Variants in MYCT1 observed in about 807,000 individuals in gnomAD.
MYCT1 encodes MYC target 1, also known as myc target protein 1.
A neutral mutation model predicts 15.0 loss-of-function variants in MYCT1; 12 were observed. The observed-to-expected ratio is 0.80, with a 90% confidence interval of 0.51 to 1.29. The LOEUF is 1.29. MYCT1 is among the 50% of genes most tolerant of loss of function. The probability of loss-of-function intolerance (pLI) is 0.00; values close to 1 mark genes in which losing one functional copy is unlikely to be tolerated. For synonymous variants in MYCT1, 104 were observed against 102.7 expected (o/e 1.01, Z -0.07); for missense variants, 287 against 279.1 (o/e 1.03, Z -0.20).
At chr6:152,738,007 C>CA in the MYCT1 span, among the ~76,000 whole-genome samples, 2 of 151,814 alleles carry the variant, frequency 1.3e-5, no homozygotes, top group African/African-American at 4.8e-5. Flanking sequence ...TTAAGGAAAG[C>CA]AAAAAGCCAT....
chr6:152,736,982 A>G, the MYCT1 span, among the ~76,000 whole-genome samples: 1 of 152,162 alleles, frequency 6.6e-6, no homozygotes, highest in Non-Finnish European at 1.5e-5. Context: ...AGCCTTCCAA[A>G]TGAAATTACA....
chr6:152,707,601 T>C lies in MYCT1; in HGVS notation c.196+9503T>C, dbSNP rs116994288. ...TCAATATCAAGCTTTTTCCCTATGT[T>C]GTCCTCTAGTAGTTTTTTGGGTTTC... On this transcript the variant is annotated intron_variant, in intron 1 of 1. Coordinates refer to ENST00000367245, the MANE Select transcript of MYCT1 (RefSeq NM_025107.3). Among the ~76,000 whole-genome samples, 655 of 150,044 alleles carry C rather than the reference T, an allele frequency of 4.4e-3. 3 individuals carry two copies. Among genetic ancestry groups the C allele is most frequent in the Non-Finnish European group, 7.4e-3 (500 of 67,928 alleles).
rs1413418649 is a variant in MYCT1 at position 152,716,451 on chromosome 6, C to T, written c.197-5291C>T. On this transcript the variant is annotated intron_variant, in intron 1 of 1. Coordinates refer to ENST00000367245, the MANE Select transcript of MYCT1 (RefSeq NM_025107.3). ...TGAATGTTTTAAACAATGTTACATT[C>T]TGCCATCACTGATAAATCACTTTCA... Among the ~76,000 whole-genome samples, 16 of 152,230 alleles carry T rather than the reference C, an allele frequency of 1.1e-4. No individual in the cohort carries two copies. The South Asian group carries it at 3.3e-3, about 32-fold the overall frequency.
chr6:152,703,429 C>T, intron 1 of MYCT1, among the ~76,000 whole-genome samples: 1 of 152,156 alleles, frequency 6.6e-6, no homozygotes, highest in African/African-American at 2.4e-5. Context: ...AAGAATTCTA[C>T]AGTGAACATC....
At chr6:152,707,187 A>G (rs1164428450) in intron 1 of MYCT1, among the ~76,000 whole-genome samples, 4 of 152,052 alleles carry the variant, frequency 2.6e-5, no homozygotes, top group African/African-American at 9.7e-5. Context: ...TCTTTTTGAT[A>G]ATAGGCATTT....
At chr6:152,718,465 G>A (rs1469819391) in intron 1 of MYCT1, among the ~76,000 whole-genome samples, 2 of 151,920 alleles carry the variant, frequency 1.3e-5, no homozygotes, top group Non-Finnish European at 2.9e-5. Context: ...ATGTTGCCCA[G>A]GCTGGTCTGG....
chr6:152,720,502 A>G (rs908458577), intron 1 of MYCT1, among the ~76,000 whole-genome samples: 29 of 152,208 alleles, frequency 1.9e-4, no homozygotes, highest in African/African-American at 7.0e-4. Context: ...GACTACCTAC[A>G]TAAGCAATTA....
chr6:152,717,359 G>A (rs2099723860), intron 1 of MYCT1, among the ~76,000 whole-genome samples: 1 of 152,134 alleles, frequency 6.6e-6, no homozygotes, highest in Admixed American at 6.6e-5. Flanking sequence ...TTATTTGTAG[G>A]TGTTTTAATA....
chr6:152,712,886 T>C (rs1315867864), intron 1 of MYCT1, among the ~76,000 whole-genome samples: 1 of 150,006 alleles, frequency 6.7e-6, no homozygotes, highest in Non-Finnish European at 1.5e-5. Flanking sequence ...ATGACGTGCA[T>C]AGTTCTTTAT....
intron 1 of MYCT1, among the ~76,000 whole-genome samples, chr6:152,713,216 A>AT (rs1222822275): frequency 6.6e-6 from 1 of 151,408 alleles, no homozygotes; most frequent in East Asian, 1.9e-4. Context: ...TTTAGTTCTC[A>AT]TTTTTTTAGT....
At chr6:152,732,592 T>C in the MYCT1 span, among the ~76,000 whole-genome samples, 4 of 152,190 alleles carry the variant, frequency 2.6e-5, no homozygotes, top group Admixed American at 2.6e-4. Flanking sequence ...AACAATGTAA[T>C]TTCAGATTCT....
chr6:152,725,861 C>G (rs189432163), downstream of MYCT1, among the ~76,000 whole-genome samples: 122 of 152,124 alleles, frequency 8.0e-4, no homozygotes, highest in African/African-American at 2.8e-3. Flanking sequence ...CAGAGCATTC[C>G]GTATCAGATG....
rs185432593 is a variant in MYCT1, at chr6:152,721,512, C to T, written c.197-230C>T. On this transcript the variant is annotated intron_variant, in intron 1 of 1. Transcript: ENST00000367245. ...AAGATGATAAAACAGGTTAAGTGAC[C>T]TGGAATGCCGCAGCTGAAAGTGTTA... Among the ~76,000 whole-genome samples the T allele has an allele frequency of 9.3e-4, 142 of 152,186 alleles. No homozygotes were observed. The Middle Eastern group carries it at 0.01, about 11-fold the overall frequency.
chr6:152,734,386 G>A, the MYCT1 span, among the ~76,000 whole-genome samples: 10 of 152,146 alleles, frequency 6.6e-5, no homozygotes, highest in South Asian at 6.2e-4. Flanking sequence ...CAAAAGTTTC[G>A]GAAGTGAGGA....
In MYCT1 at chr6:152,697,919, A is replaced by T. The variant is rs371405578; in HGVS notation, c.17A>T (p.Tyr6Phe). MRTQVYEGLCKNYFSL... is the reference protein window; with the variant it reads MRTQVFEGLCKNYFSL... ...TTTCCTTTTATGCGAACACAAGTAT[A>T]TGAGGGGTTGTGTAAAAATTATTTT... is the stretch of plus-strand genomic sequence containing the variant. Residue 6 changes from tyrosine (Y) to phenylalanine (F), a missense_variant, in exon 1 of 2, where the codon TAT becomes TTT. By Grantham distance (22) the Tyr-to-Phe change is conservative (BLOSUM62 3). Coordinates refer to ENST00000367245, the MANE Select transcript of MYCT1 (RefSeq NM_025107.3). The T allele has an allele frequency of 3.3e-5, 53 of 1,590,470 alleles. 1 individual carries two copies. In the Middle Eastern group the frequency reaches 8.3e-4, roughly 25 times the overall value.
At chr6:152,716,793 A>G (rs1344711942) in intron 1 of MYCT1, among the ~76,000 whole-genome samples, 1 of 152,192 alleles carries the variant, frequency 6.6e-6, no homozygotes. Context: ...TAGCTGACCA[A>G]TGTTAGAGTT....
At chr6:152,698,126 A>G in intron 1 of MYCT1, 28 bp downstream of exon 1, 1 of 1,382,516 alleles carries the variant, frequency 7.2e-7, no homozygotes, top group Admixed American at 2.7e-5. Flanking sequence ...ACTGTTTAAA[A>G]TTTAAAATTA....
intron 1 of MYCT1, among the ~76,000 whole-genome samples, chr6:152,717,903 T>C (rs1308021017): frequency 6.6e-6 from 1 of 152,158 alleles, no homozygotes; most frequent in Non-Finnish European, 1.5e-5. Context: ...CCCCATCTTA[T>C]CCTACTTTAT....
intron 1 of MYCT1, among the ~76,000 whole-genome samples, chr6:152,718,068 G>A (rs1344627135): frequency 6.6e-6 from 1 of 152,030 alleles, no homozygotes; most frequent in Non-Finnish European, 1.5e-5. Flanking sequence ...TTTGGGCATA[G>A]ACAATAGGTT....
Sources: allele counts gnomAD v4.1 joint callset (sites outside exome capture counted in the v4.1 genomes callset), GRCh38; gene constraint gnomAD v4.1.1; transcripts MANE v1.5; gene names NCBI Gene and HGNC (gene_info 2026-07-23, HGNC 2026-07-21).